The following DCP1B variants were observed in gnomAD, a reference collection of about 807,000 sequenced individuals.
The protein encoded by DCP1B is decapping mRNA 1B.
In DCP1B, 47 loss-of-function variants were observed where a neutral mutation model predicts 60.5. That is an observed-to-expected ratio of 0.78 (90% CI 0.61 to 0.99). The LOEUF (loss-of-function observed/expected upper bound fraction) is 0.99, where lower values mean the gene tolerates loss of function less well. Ranked by LOEUF, DCP1B falls within the 50% of genes least tolerant of loss-of-function variation. The pLI is 0.00. For missense variants in DCP1B, 725 were observed against 756.8 expected, an observed-to-expected ratio of 0.96 and a Z score of 0.49; for synonymous variants, 267 against 280.3, an observed-to-expected ratio of 0.95 and a Z score of 0.47.
Position 1,952,826 on chromosome 12 carries a change from T to C in DCP1B, c.1114A>G (p.Ser372Gly). 6.2e-7 allele frequency: 1 copy of C among 1,614,202 alleles called. No homozygotes were observed. The highest frequency in any genetic ancestry group is 8.5e-7 in the Non-Finnish European group (1 of 1,180,026). The part of the protein sequence containing the change: ...TPGAANKCDP[S>G]TPAPASSAAL... Reference sequence around the variant, plus strand: ...GCTGAGCTGGCAGGTGCTGGTGTACTAGGGTCACACTTGTTTGCTGCCCCT... The same window carrying C: ...GCTGAGCTGGCAGGTGCTGGTGTACCAGGGTCACACTTGTTTGCTGCCCCT... The change falls in exon 7 of 9, where the codon AGT becomes GGT. Residue 372 changes from serine (S) to glycine (G), a missense_variant. By Grantham distance (56) the Ser-to-Gly change is moderately conservative. Coordinates refer to ENST00000280665, the MANE Select transcript of DCP1B (RefSeq NM_152640.5).
intron 5 of DCP1B, among the ~76,000 whole-genome samples, chr12:1,958,699 G>A (rs1455554719): frequency 7.0e-6 from 1 of 142,290 alleles, no homozygotes; most frequent in Non-Finnish European, 1.5e-5. Flanking sequence ...GAAGGAGACA[G>A]GGGAAAAGCT....
intron 3 of DCP1B, among the ~76,000 whole-genome samples, chr12:1,987,109 A>G (rs144464802): frequency 2.9e-4 from 44 of 152,312 alleles, no homozygotes; most frequent in African/African-American, 1.0e-3. Context: ...TAAAAAAAAG[A>G]ACTTACAGGA....
chr12:1,959,042 G>A (rs772326660), intron 5 of DCP1B, among the ~76,000 whole-genome samples: 5 of 148,768 alleles, frequency 3.4e-5, no homozygotes, highest in Non-Finnish European at 6.0e-5. Context: ...GCTCCCCAAC[G>A]TTGCTCTGGG....
chr12:1,979,161 C>T (rs921298107), intron 3 of DCP1B, among the ~76,000 whole-genome samples: 4 of 152,134 alleles, frequency 2.6e-5, no homozygotes, highest in Non-Finnish European at 4.4e-5. Context: ...TACACGTGCC[C>T]GCCATCGAGC....
In DCP1B at chr12:1,952,613, T is replaced by G. The variant is rs565148534; in HGVS notation, c.1327A>C (p.Ser443Arg). 4 of 1,614,198 alleles carry G rather than the reference T, an allele frequency of 2.5e-6. No homozygotes were observed. Among genetic ancestry groups the G allele is most frequent in the Non-Finnish European group, 3.4e-6 (4 of 1,180,022 alleles). ...TCTTGAGGGGAGATCACTCCAGAGC[T>G]GCCAGTCTGACTACCAGAGATGGGG... ...TLPISGSQTG[S>R]SGVISPQELL... The change falls in exon 7 of 9, where the codon AGC becomes CGC. Residue 443 changes from serine to arginine, a missense_variant. By Grantham distance (110) the Ser-to-Arg change is moderately radical (BLOSUM62 -1). Coordinates refer to ENST00000280665, the MANE Select transcript of DCP1B (RefSeq NM_152640.5).
chr12:1,979,782 T>G (rs1356865476), intron 3 of DCP1B, among the ~76,000 whole-genome samples: 4 of 152,254 alleles, frequency 2.6e-5, no homozygotes, highest in Non-Finnish European at 5.9e-5. Context: ...TTAACACTTG[T>G]CTTTTTAATT....
In DCP1B at chr12:1,949,311, A is replaced by G; in HGVS notation, c.1548T>C (p.Pro516=). The stretch of plus-strand genomic sequence containing the variant: ...TAAGCAGAGACGGAGCTGCTGTAGC[A>G]GGGATGCGCTGAGGTGAGATGACCT... ...LFQVISPQRI[P]ATAAPSLLMS... Residue 516 remains proline, a synonymous_variant, in exon 8 of 9, where the codon CCT becomes CCC. Coordinates refer to ENST00000280665, the MANE Select transcript of DCP1B (RefSeq NM_152640.5). 3 of 1,614,068 alleles carry G rather than the reference A, an allele frequency of 1.9e-6. No homozygotes were observed. The highest frequency in any genetic ancestry group is 2.5e-6 in the Non-Finnish European group (3 of 1,180,032).
At chr12:1,956,381 C>T (rs2030885908) in intron 5 of DCP1B, among the ~76,000 whole-genome samples, 1 of 152,176 alleles carries the variant, frequency 6.6e-6, no homozygotes, top group African/African-American at 2.4e-5. Context: ...CAGCCAAGGC[C>T]TCAGGCCCCA....
intron 3 of DCP1B, among the ~76,000 whole-genome samples, chr12:1,980,137 T>C (rs1344141875): frequency 1.3e-5 from 2 of 152,190 alleles, no homozygotes; most frequent in African/African-American, 4.8e-5. Flanking sequence ...TAGATAGGCA[T>C]ACATATCCAC....
chr12:1,951,626 G>A (rs376523938), intron 7 of DCP1B, among the ~76,000 whole-genome samples: 48 of 152,258 alleles, frequency 3.2e-4, no homozygotes, highest in African/African-American at 6.5e-4. Flanking sequence ...CTATACTGAC[G>A]ATACAGAGAA....
At chr12:1,964,132 T>C (rs542113918) in intron 5 of DCP1B, among the ~76,000 whole-genome samples, 1 of 152,310 alleles carries the variant, frequency 6.6e-6, no homozygotes, top group Admixed American at 6.5e-5. Context: ...CCTTAAAATA[T>C]AACCCACTAA....
chr12:1,943,885 A>C (rs935479045), downstream of DCP1B, among the ~76,000 whole-genome samples: 8 of 152,220 alleles, frequency 5.3e-5, no homozygotes, highest in Non-Finnish European at 1.0e-4. Context: ...GGCACAAGAC[A>C]AGGATGCCCT....
intron 3 of DCP1B, among the ~76,000 whole-genome samples, chr12:1,982,689 C>T (rs1046811540): frequency 2.6e-5 from 4 of 151,972 alleles, no homozygotes; most frequent in Non-Finnish European, 4.4e-5. Flanking sequence ...TTTTTTTGTT[C>T]GCATTTTGCT....
intron 2 of DCP1B, 62 bp downstream of exon 2, chr12:1,997,873 C>T (rs1164901261): frequency 5.3e-5 from 72 of 1,345,928 alleles, no homozygotes; most frequent in Non-Finnish European, 7.4e-5. Flanking sequence ...AGAAGAGTGA[C>T]ACAACGGAGC....
At chr12:1,957,990 A>G (rs577963637) in intron 5 of DCP1B, among the ~76,000 whole-genome samples, 2 of 152,086 alleles carry the variant, frequency 1.3e-5, no homozygotes, top group South Asian at 4.2e-4. Flanking sequence ...GAAACAGGGG[A>G]AAAGCTCCCC....
chr12:1,946,369 G>A, intron 8 of DCP1B, 83 bp from the exon 9 acceptor site: 5 of 1,038,440 alleles, frequency 4.8e-6, no homozygotes, highest in Non-Finnish European at 6.8e-6. Flanking sequence ...AGCTGAACTG[G>A]CCTTTGGATA....
chr12:1,944,978 A>G (rs1479889565), downstream of DCP1B, among the ~76,000 whole-genome samples: 2 of 152,218 alleles, frequency 1.3e-5, no homozygotes, highest in Admixed American at 6.5e-5. Flanking sequence ...AAAAGAAACT[A>G]TATCAGAATG....
chr12:1,971,009 G>A lies in DCP1B; in HGVS notation c.320-3099C>T, dbSNP rs1555196379. 8.6e-7 allele frequency: 1 copy of A among 1,163,932 alleles called. No homozygotes were observed. Among genetic ancestry groups the A allele is most frequent in the South Asian group, 1.4e-5 (1 of 73,332 alleles). The allele number at this position is 1,163,932 out of a possible 1,614,324, so 72.1% of individuals were successfully genotyped here. On this transcript the variant is annotated intron_variant, in intron 3 of 8. Transcript: ENST00000280665. The surrounding 1 kb of genome is among the most constrained non-coding windows in gnomAD (Gnocchi z 4.2). ...AAAAATTATAAGAGATCATGAGCAG[G>A]ATAATTATTTAGCTTTAAAAATCAA... is the stretch of plus-strand genomic sequence containing the variant.
At chr12:1,992,924 A>G (rs965785428) in intron 3 of DCP1B, 30 of 572,358 alleles carry the variant, frequency 5.2e-5, no homozygotes, top group Non-Finnish European at 8.0e-5. Flanking sequence ...TCAGGGAGCC[A>G]CCTATGTGTG....
Sources: allele counts gnomAD v4.1 joint callset (sites outside exome capture counted in the v4.1 genomes callset), GRCh38; gene constraint gnomAD v4.1.1; non-coding constraint Gnocchi (gnomAD v3.1); transcripts MANE v1.5; gene names NCBI Gene and HGNC (gene_info 2026-07-23, HGNC 2026-07-21).